Variants in RXRA observed in about 807,000 individuals in gnomAD.
The protein encoded by RXRA is retinoid X receptor alpha.
In RXRA, 5 loss-of-function variants were observed where a neutral mutation model predicts 44.5. The ratio of observed to expected loss-of-function variants is 0.11; its 90% CI spans 0.06 to 0.24. The LOEUF is 0.24. Among genes scored for constraint, RXRA ranks in the 10% least tolerant of loss-of-function variants. The probability of loss-of-function intolerance (pLI) is 1.00; values close to 1 mark genes in which losing one functional copy is unlikely to be tolerated. For synonymous variants in RXRA, 291 were observed against 271.4 expected, an observed-to-expected ratio of 1.07 and a Z score of -0.71; for missense variants, 412 against 646.5, an observed-to-expected ratio of 0.64 and a Z score of 3.93.
chr9:134,410,790 C>T (rs1422789968), intron 4 of RXRA, among the ~76,000 whole-genome samples: 1 of 152,222 alleles, frequency 6.6e-6, no homozygotes, highest in East Asian at 1.9e-4. Context: ...TTAGCCGAGA[C>T]CACTCTCAGA....
intron 1 of RXRA, among the ~76,000 whole-genome samples, chr9:134,370,850 G>A (rs902024588): frequency 1.3e-5 from 2 of 152,252 alleles, no homozygotes; most frequent in Admixed American, 1.3e-4. Flanking sequence ...CTCCAGGAGA[G>A]AACGCTGCCA....
At chr9:134,368,105 CA>C (rs1309089175) in intron 1 of RXRA, among the ~76,000 whole-genome samples, 1 of 152,238 alleles carries the variant, frequency 6.6e-6, no homozygotes, top group Non-Finnish European at 1.5e-5. Context: ...AGGGTCTCCT[CA>C]ACCCCCTCCC....
chr9:134,431,203 C>T (rs943269825), intron 7 of RXRA, among the ~76,000 whole-genome samples: 1 of 152,234 alleles, frequency 6.6e-6, no homozygotes, highest in African/African-American at 2.4e-5. Flanking sequence ...GGTTGGTGGG[C>T]AGGCTGCTGA....
chr9:134,360,599 G>A (rs1176498012), intron 1 of RXRA, among the ~76,000 whole-genome samples: 1 of 152,266 alleles, frequency 6.6e-6, no homozygotes, highest in Non-Finnish European at 1.5e-5. Context: ...CCGCTTGCTG[G>A]TCTGCGGGAG....
intron 5 of RXRA, among the ~76,000 whole-genome samples, chr9:134,419,570 G>A (rs367636839): frequency 2.6e-5 from 4 of 152,206 alleles, no homozygotes; most frequent in African/African-American, 7.2e-5. Flanking sequence ...GAGAGGGGGC[G>A]ACCTGCCCAG....
intron 1 of RXRA, among the ~76,000 whole-genome samples, chr9:134,393,152 C>T (rs1434966945): frequency 6.6e-6 from 1 of 152,124 alleles, no homozygotes; most frequent in Non-Finnish European, 1.5e-5. Context: ...GCGAGCTGGG[C>T]AGGGAGGGGT....
intron 1 of RXRA, among the ~76,000 whole-genome samples, chr9:134,376,662 C>T (rs1194319469): frequency 8.7e-5 from 1 of 11,558 alleles, no homozygotes; most frequent in Non-Finnish European, 2.8e-4. Flanking sequence ...CTGGCTGGTG[C>T]ATCTCGGGTG....
chr9:134,423,673 T>C, intron 6 of RXRA: 1 of 985,480 alleles, frequency 1.0e-6, no homozygotes, highest in Non-Finnish European at 1.2e-6. Flanking sequence ...CTGAGGCATG[T>C]GGCTGTCTGC....
intron 1 of RXRA, chr9:134,374,218 C>T (rs1190453812): frequency 4.6e-5 from 7 of 152,310 alleles, no homozygotes; most frequent in Non-Finnish European, 2.9e-5. Flanking sequence ...CAGCCGAGAG[C>T]GATGCAGCCA....
chr9:134,432,005 T>C lies in RXRA; in HGVS notation c.1135+9T>C. 6.2e-7 allele frequency: 1 copy of C among 1,609,526 alleles called. No individual in the cohort carries two copies. Among genetic ancestry groups the C allele is most frequent in the Non-Finnish European group, 8.5e-7 (1 of 1,176,198 alleles). ...CGTCCTCTTTAACCCTGGTATGGCC[T>C]TCCTGCCTTGAGGCTTCTGGCCCCG... On this transcript the variant is annotated intron_variant, in intron 8 of 9. Transcript: ENST00000481739.
intron 1 of RXRA, among the ~76,000 whole-genome samples, chr9:134,376,355 G>A (rs1830557247): frequency 1.3e-5 from 2 of 152,180 alleles, no homozygotes; most frequent in African/African-American, 2.4e-5. Context: ...CTGTGCGTGT[G>A]CCTGTGTGCC....
At chr9:134,380,189 G>A (rs1487987300) in intron 1 of RXRA, 101 of 985,056 alleles carry the variant, frequency 1.0e-4, no homozygotes, top group Non-Finnish European at 1.2e-4. Context: ...GTGGCCCCCC[G>A]CGGTGTAGGC....
At chr9:134,362,414 G>A (rs563827674) in intron 1 of RXRA, among the ~76,000 whole-genome samples, 10 of 152,304 alleles carry the variant, frequency 6.6e-5, no homozygotes, top group African/African-American at 2.2e-4. Flanking sequence ...TCTGCAGCCC[G>A]CGTTTCTCCA....
chr9:134,435,183 G>A (rs1371677623), intron 9 of RXRA, among the ~76,000 whole-genome samples: 1 of 152,246 alleles, frequency 6.6e-6, no homozygotes, highest in African/African-American at 2.4e-5. Flanking sequence ...CTGAAAGAAA[G>A]ACTTCGTTAA....
Position 134,340,958 on chromosome 9 carries a change from G to A in RXRA, c.28+14299G>A, listed in dbSNP as rs115053735. On this transcript the variant is annotated intron_variant, in intron 1 of 9. Transcript: ENST00000481739. ...AGGCTTCCTCTAATTGTGTGGATGA[G>A]GAAATTGAGGTCTGAGAGCGGCATG... Among the ~76,000 whole-genome samples the A allele has an allele frequency of 2.0e-3, 304 of 152,344 alleles. 1 individual carries two copies. The highest frequency in any genetic ancestry group is 7.1e-3 in the African/African-American group (294 of 41,574).
intron 1 of RXRA, among the ~76,000 whole-genome samples, chr9:134,375,403 G>A (rs1281355757): frequency 6.6e-6 from 1 of 152,150 alleles, no homozygotes. Context: ...TCTGAGGGGG[G>A]ATGCTCTTCA....
At chr9:134,386,675 G>A (rs1347002256) in intron 1 of RXRA, among the ~76,000 whole-genome samples, 2 of 152,192 alleles carry the variant, frequency 1.3e-5, no homozygotes, top group Non-Finnish European at 2.9e-5. Flanking sequence ...AGCAAACTGA[G>A]GCTGGCCCTG....
intron 1 of RXRA, among the ~76,000 whole-genome samples, chr9:134,351,701 G>A (rs987993974): frequency 2.0e-4 from 30 of 152,246 alleles, no homozygotes; most frequent in South Asian, 2.1e-4. Flanking sequence ...TTAAAATGCC[G>A]TTCTGCGGCC....
chr9:134,429,235 T>C lies in RXRA; in HGVS notation c.1038T>C (p.Phe346=). The change falls in exon 7 of 10, where the codon TTT becomes TTC. Residue 346 remains phenylalanine (F), a synonymous_variant. Coordinates refer to ENST00000481739, the MANE Select transcript of RXRA (RefSeq NM_002957.6). The part of the protein sequence containing the change: ...SAHSAGVGAI[F]DRVLTELVSK... ...ACAGCGCAGGGGTGGGCGCCATCTT[T>C]GACAGGTGGGGGTGGTCCCGGGAGG... 6.2e-7 allele frequency: 1 copy of C among 1,611,888 alleles called. No individual in the cohort carries two copies. Among genetic ancestry groups the C allele is most frequent in the Non-Finnish European group, 8.5e-7 (1 of 1,179,478 alleles).
Sources: allele counts gnomAD v4.1 joint callset (sites outside exome capture counted in the v4.1 genomes callset), GRCh38; gene constraint gnomAD v4.1.1; transcripts MANE v1.5; gene names NCBI Gene and HGNC (gene_info 2026-07-23, HGNC 2026-07-21).